ARHGAP23: variants seen among roughly 807,000 people sequenced by gnomAD.
ARHGAP23 encodes the protein rho GTPase-activating protein 23.
Under a neutral mutation model 136.3 loss-of-function variants are expected in ARHGAP23, and 34 were observed. The observed-to-expected ratio is 0.25, with a 90% CI of 0.19 to 0.33. The LOEUF is 0.33. Among genes scored for constraint, ARHGAP23 ranks in the 10% least tolerant of loss-of-function variants. The pLI, the probability that ARHGAP23 is intolerant of heterozygous loss-of-function variation, is 1.00. For missense variants in ARHGAP23, 1,808 were observed against 2,139.0 expected (o/e 0.85, Z 3.05); for synonymous variants, 832 against 920.5 (o/e 0.90, Z 1.74).
intron 23 of ARHGAP23, among the ~76,000 whole-genome samples, chr17:38,506,866 T>C (rs1159631173): frequency 6.6e-6 from 1 of 152,202 alleles, no homozygotes; most frequent in Non-Finnish European, 1.5e-5. Flanking sequence ...TGGGCTCATT[T>C]CTGTCTGGGT....
chr17:38,463,544 C>T (rs921917833), intron 6 of ARHGAP23, among the ~76,000 whole-genome samples, 162 bp downstream of exon 6: 19 of 152,110 alleles, frequency 1.2e-4, no homozygotes, highest in East Asian at 1.9e-4. Flanking sequence ...TTGCTTCATT[C>T]GGAGCTGCTC....
At chr17:38,508,624 A>G (rs36017773) in intron 23 of ARHGAP23, among the ~76,000 whole-genome samples, 2 of 152,014 alleles carry the variant, frequency 1.3e-5, no homozygotes, top group Non-Finnish European at 2.9e-5. Context: ...CCCTATTAGG[A>G]GGGGCAGGAG....
intron 1 of ARHGAP23, among the ~76,000 whole-genome samples, chr17:38,454,552 C>T (rs2144592590): frequency 6.6e-6 from 1 of 152,266 alleles, no homozygotes; most frequent in South Asian, 2.1e-4. Context: ...CCCACCCCAC[C>T]CCTGGTAGGG....
intron 23 of ARHGAP23, among the ~76,000 whole-genome samples, chr17:38,506,001 G>A (rs888496914): frequency 3.3e-5 from 5 of 152,166 alleles, no homozygotes; most frequent in Admixed American, 3.3e-4. Context: ...CCTGTGGCAA[G>A]TTCAAGGAGT....
chr17:38,459,331 T>C (rs8074573), intron 2 of ARHGAP23, among the ~76,000 whole-genome samples: 307 of 152,334 alleles, frequency 2.0e-3, no homozygotes, highest in African/African-American at 7.1e-3. Context: ...TGTGTGCATA[T>C]AGTGTCTGCA....
intron 6 of ARHGAP23, among the ~76,000 whole-genome samples, chr17:38,464,664 A>C (rs2039541747): frequency 6.6e-6 from 1 of 152,202 alleles, no homozygotes; most frequent in East Asian, 1.9e-4. Context: ...GGCTGAGGCG[A>C]GGCCAGCTAT....
At chr17:38,437,747 C>T (rs1411272324) in intron 1 of ARHGAP23, among the ~76,000 whole-genome samples, 1 of 151,076 alleles carries the variant, frequency 6.6e-6, no homozygotes, top group Non-Finnish European at 1.5e-5. Context: ...GTTAGACCCT[C>T]TTTTCCACAG....
chr17:38,479,839 C>G lies in ARHGAP23; in HGVS notation c.2585C>G (p.Ala862Gly). 1 of 1,487,662 alleles carries G rather than the reference C, an allele frequency of 6.7e-7. No homozygotes were observed. Among genetic ancestry groups the G allele is most frequent in the South Asian group, 1.2e-5 (1 of 82,492 alleles). 92.2% of individuals were successfully genotyped at this position (1,487,662 alleles called of 1,614,324 possible). The change falls in exon 14 of 24, where the codon GCG becomes GGG. Residue 862 changes from alanine to glycine, a missense_variant. Ala to Gly is a moderately conservative substitution (Grantham distance 60). Around this residue, in one of 7 missense-constraint regions of ARHGAP23, gnomAD observed 73 missense variants for 82.5 expected, o/e 0.88. Transcript: ENST00000622683. ...GLKSEFLKQS[A>G]ARGLRTQDLP... is the part of the protein sequence containing the mutation. Reference sequence around the variant, plus strand: ...AAGTCTGAGTTCCTCAAGCAGAGTGCGGCACGTGGCCTCAGGACTCAGGAC... The same window carrying G: ...AAGTCTGAGTTCCTCAAGCAGAGTGGGGCACGTGGCCTCAGGACTCAGGAC...
At chr17:38,485,333 T>C (rs1237068060) in intron 16 of ARHGAP23, among the ~76,000 whole-genome samples, 2 of 152,168 alleles carry the variant, frequency 1.3e-5, no homozygotes, top group Non-Finnish European at 2.9e-5. Context: ...ATTGCCTCCT[T>C]CTGTTAGAAC....
At chr17:38,429,110 C>T (rs1053439029) in intron 1 of ARHGAP23, among the ~76,000 whole-genome samples, 1 of 152,226 alleles carries the variant, frequency 6.6e-6, no homozygotes, top group African/African-American at 2.4e-5. Context: ...CCTCCTGGAT[C>T]CTGGGGAAGT....
upstream of ARHGAP23, among the ~76,000 whole-genome samples, chr17:38,427,496 T>A (rs572444780): frequency 2.0e-5 from 3 of 150,488 alleles, no homozygotes; most frequent in South Asian, 6.3e-4. Context: ...ACAGAAGGAC[T>A]GTCCCTCCCT....
intron 23 of ARHGAP23, among the ~76,000 whole-genome samples, chr17:38,504,547 C>G (rs1381147551): frequency 6.6e-6 from 1 of 152,230 alleles, no homozygotes; most frequent in Non-Finnish European, 1.5e-5. Context: ...TTGCCTGACT[C>G]TAAAACCCAG....
rs1210008204 is a variant in ARHGAP23, at chr17:38,460,171, C to G, written c.226-734C>G. On this transcript the variant is annotated intron_variant, in intron 2 of 23. Transcript: ENST00000622683. ...CCACAAAGTCTAGTGCCATCACCTA[C>G]CAGGTGATCCCAGAGGCCTCCCAGT... 2.0e-5 allele frequency among the ~76,000 whole-genome samples: 3 copies of G among 152,320 alleles called. No homozygotes were observed. The East Asian group carries it at 5.8e-4, about 29-fold the overall frequency.
intron 17 of ARHGAP23, among the ~76,000 whole-genome samples, chr17:38,487,434 G>A (rs1045221760): frequency 2.3e-4 from 35 of 152,210 alleles, no homozygotes; most frequent in Non-Finnish European, 4.0e-4. Context: ...ATGTAGAATT[G>A]CTGGGTCAAA....
intron 22 of ARHGAP23, 34 bp downstream of exon 22, chr17:38,498,544 A>G (rs1298688027): frequency 1.4e-6 from 2 of 1,480,950 alleles, no homozygotes; most frequent in South Asian, 2.6e-5. Flanking sequence ...GGGAGGCGGG[A>G]GGTTGGACAC....
Position 38,440,587 on chromosome 17 carries a change from C to A in ARHGAP23, c.63+12039C>A, listed in dbSNP as rs145990682. ...TTGGGACCTGAAACCTGGCCTCTGA[C>A]TCGTCTTCCCTTGTGTCACTGGCCC... On this transcript the variant is annotated intron_variant, in intron 1 of 23. Coordinates refer to ENST00000622683, the MANE Select transcript of ARHGAP23 (RefSeq NM_001199417.2). Among the ~76,000 whole-genome samples, 912 of 152,338 alleles carry A rather than the reference C, an allele frequency of 6.0e-3. 9 individuals are homozygous for A. The highest frequency in any genetic ancestry group is 0.021 in the African/African-American group (868 of 41,580).
chr17:38,492,513 A>G (rs898691988), intron 20 of ARHGAP23, among the ~76,000 whole-genome samples: 25 of 152,210 alleles, frequency 1.6e-4, no homozygotes, highest in Non-Finnish European at 2.6e-4. Flanking sequence ...TGGCAGCCCA[A>G]GATTTCAAGC....
rs562257674 is a variant in ARHGAP23, at chr17:38,467,184, G to A, written c.1501G>A (p.Val501Ile). ...LRQKPPTGRKVQLTPARQMNL... is the reference protein window; with the variant it reads ...LRQKPPTGRKIQLTPARQMNL... ...GCAGAAGCCCCCGACGGGCCGCAAG[G>A]TTCAGCTGACCCCCGCAAGACAGAT... Residue 501 changes from valine to isoleucine, a missense_variant, in exon 7 of 24, where the codon GTT (valine) becomes ATT (isoleucine). By Grantham distance (29) the Val-to-Ile change is conservative (BLOSUM62 3). Coordinates refer to ENST00000622683, the MANE Select transcript of ARHGAP23 (RefSeq NM_001199417.2). The A allele has an allele frequency of 3.6e-4, 551 of 1,550,422 alleles. 1 individual carries two copies. Among genetic ancestry groups the A allele is most frequent in the Non-Finnish European group, 4.6e-4 (526 of 1,146,678 alleles).
chr17:38,481,183 G>A lies in ARHGAP23; in HGVS notation c.2630-839G>A, dbSNP rs776669283. On this transcript the variant is annotated intron_variant, in intron 14 of 23. Coordinates refer to ENST00000622683, the MANE Select transcript of ARHGAP23 (RefSeq NM_001199417.2). ...TTTTTTTGAGACGGAGTCTCGCTCT[G>A]TTGCCCAGGCTGGAGTGCAGTGGTG... Among the ~76,000 whole-genome samples the A allele has an allele frequency of 2.0e-5, 3 of 149,020 alleles. No individual in the cohort carries two copies. In the East Asian group the frequency reaches 6.0e-4, roughly 30 times the overall value.
Sources: gnomAD v4.1 joint callset for allele counts (sites outside exome capture counted in the v4.1 genomes callset) on GRCh38, gnomAD v4.1.1 for gene constraint, gnomAD v4.1.1 regional missense constraint, MANE v1.5 for transcripts, NCBI Gene and HGNC (gene_info 2026-07-23, HGNC 2026-07-21) for gene names.